Variants in HSD17B6 observed in about 807,000 individuals in gnomAD.
HSD17B6 encodes the protein hydroxysteroid 17-beta dehydrogenase 6, also known as 17-beta-hydroxysteroid dehydrogenase type 6.
Under a neutral mutation model 26.4 loss-of-function variants are expected in HSD17B6, and 16 were observed. That is an observed-to-expected ratio of 0.61 (90% confidence interval 0.41 to 0.92). HSD17B6 has a LOEUF of 0.92. HSD17B6 is among the 40% of genes least tolerant of loss of function. The pLI is 0.00. For synonymous variants in HSD17B6, 139 were observed against 153.0 expected (o/e 0.91, Z 0.68); for missense variants, 357 against 386.1 (o/e 0.92, Z 0.63).
chr12:56,784,135 T>C (rs1481414825), intron 3 of HSD17B6, among the ~76,000 whole-genome samples: 3 of 144,282 alleles, frequency 2.1e-5, no homozygotes, highest in South Asian at 4.4e-4. Flanking sequence ...CGGGAAGAGG[T>C]GCTCCTCACT....
At position 56,784,973 on chromosome 12, in the gene HSD17B6, C is replaced by G; in HGVS notation, c.693C>G (p.Pro231=). The G allele has an allele frequency of 6.2e-7, 1 of 1,614,042 alleles. No individual in the cohort carries two copies. The highest frequency in any genetic ancestry group is 8.5e-7 in the Non-Finnish European group (1 of 1,180,008). Residue 231 remains proline, a synonymous_variant, in exon 4 of 5, where the codon CCC becomes CCG. Coordinates refer to ENST00000322165, the MANE Select transcript of HSD17B6 (RefSeq NM_003725.4). ...ERMKQSWKEA[P]KHIKETYGQQ... Reference sequence around the variant, plus strand: ...TGAAGCAAAGTTGGAAAGAAGCCCCCAAGCATATTAAGGAGACCTATGGAC... The same window carrying G: ...TGAAGCAAAGTTGGAAAGAAGCCCCGAAGCATATTAAGGAGACCTATGGAC...
chr12:56,782,086 C>A lies in HSD17B6; in HGVS notation c.426C>A (p.Ile142=). ...TCAAAGTGAACCTCATTGGTGTGAT[C>A]CAGGTGACCTTGAGCATGCTTCCTT... The part of the protein sequence containing the change: ...NMLKVNLIGV[I]QVTLSMLPLV... The change falls in exon 3 of 5, where the codon ATC becomes ATA. Residue 142 remains isoleucine (I), a synonymous_variant. Coordinates refer to ENST00000322165, the MANE Select transcript of HSD17B6 (RefSeq NM_003725.4). 6.2e-7 allele frequency: 1 copy of A among 1,614,142 alleles called. No individual in the cohort carries two copies. The highest frequency in any genetic ancestry group is 8.5e-7 in the Non-Finnish European group (1 of 1,180,026).
intron 1 of HSD17B6, among the ~76,000 whole-genome samples, chr12:56,771,663 G>T (rs1232701905): frequency 6.6e-6 from 1 of 152,082 alleles, no homozygotes; most frequent in Non-Finnish European, 1.5e-5. Context: ...TCGCCATGTT[G>T]ACCAGGCTGA....
rs376893454 is a variant in HSD17B6 at position 56,781,406 on chromosome 12, T to G, written c.314-568T>G. Among the ~76,000 whole-genome samples the G allele has an allele frequency of 1.2e-3, 189 of 152,374 alleles. 1 individual carries two copies. Among genetic ancestry groups the G allele is most frequent in the African/African-American group, 4.2e-3 (175 of 41,598 alleles). On this transcript the variant is annotated intron_variant, in intron 2 of 4. Transcript: ENST00000322165. Reference sequence around the variant, plus strand: ...TGTCTAACAAATTTTAAAATTTCAATAGTTGTATCTTTTATTTCTGAAGTT... The same window carrying G: ...TGTCTAACAAATTTTAAAATTTCAAGAGTTGTATCTTTTATTTCTGAAGTT...
chr12:56,778,575 C>T (rs1954641200), intron 2 of HSD17B6, among the ~76,000 whole-genome samples: 1 of 152,102 alleles, frequency 6.6e-6, no homozygotes, highest in African/African-American at 2.4e-5. Context: ...CTGCGCCCGG[C>T]CTTTCTTCAC....
At chr12:56,777,428 G>A (rs142895556) in intron 2 of HSD17B6, among the ~76,000 whole-genome samples, 13 of 144,684 alleles carry the variant, frequency 9.0e-5, no homozygotes, top group Non-Finnish European at 1.8e-4. Flanking sequence ...GCAACGGCAT[G>A]ATCTCCGCTC....
intron 2 of HSD17B6, among the ~76,000 whole-genome samples, chr12:56,778,709 C>T (rs1954646036): frequency 7.8e-6 from 1 of 128,788 alleles, no homozygotes; most frequent in Non-Finnish European, 1.6e-5. Flanking sequence ...GAGTCTCACT[C>T]AGTCGCCCAG....
At chr12:56,785,755 A>AC (rs34383378) in intron 4 of HSD17B6, 83,023 of 155,058 alleles carry the variant, frequency 0.54, 24,020 homozygotes, top group African/African-American at 0.77. Context: ...ATCATTGTTT[A>AC]CCTTTTGATA....
chr12:56,771,568 C>T lies in HSD17B6; in HGVS notation c.-19-2266C>T, dbSNP rs187392470. On this transcript the variant is annotated intron_variant, in intron 1 of 4. Coordinates refer to ENST00000322165, the MANE Select transcript of HSD17B6 (RefSeq NM_003725.4). Reference sequence around the variant, plus strand: ...CCACCTCCCGGGTTCAAGCGATTCTCCTGCCTCAGCCTCCCAAGTAGCTGG... The same window carrying T: ...CCACCTCCCGGGTTCAAGCGATTCTTCTGCCTCAGCCTCCCAAGTAGCTGG... 4.7e-3 allele frequency among the ~76,000 whole-genome samples: 709 copies of T among 151,428 alleles called. 6 individuals carry two copies. Among genetic ancestry groups the T allele is most frequent in the Middle Eastern group, 0.027 (8 of 294 alleles).
intron 1 of HSD17B6, among the ~76,000 whole-genome samples, chr12:56,764,970 G>A (rs1438387449): frequency 6.6e-6 from 1 of 151,964 alleles, no homozygotes; most frequent in Non-Finnish European, 1.5e-5. Context: ...GATTCCAGGC[G>A]CCCGCCATCA....
chr12:56,784,678 A>C (rs1437471510), intron 3 of HSD17B6, among the ~76,000 whole-genome samples, 175 bp from the exon 4 acceptor site: 1 of 152,120 alleles, frequency 6.6e-6, no homozygotes, highest in African/African-American at 2.4e-5. Flanking sequence ...AAAGAGAGGG[A>C]GAGGGAGACC....
intron 1 of HSD17B6, among the ~76,000 whole-genome samples, chr12:56,773,579 G>A (rs1047380954): frequency 1.4e-4 from 21 of 152,140 alleles, no homozygotes; most frequent in Non-Finnish European, 2.4e-4. Flanking sequence ...CATTCCTTCT[G>A]TGCTAGGCTA....
At chr12:56,776,051 A>G (rs1387244639) in intron 2 of HSD17B6, among the ~76,000 whole-genome samples, 2 of 152,088 alleles carry the variant, frequency 1.3e-5, no homozygotes, top group Non-Finnish European at 1.5e-5. Context: ...TCAGCCTCCC[A>G]AGTAGCTGGC....
At chr12:56,781,519 G>A (rs1954713115) in intron 2 of HSD17B6, among the ~76,000 whole-genome samples, 1 of 151,990 alleles carries the variant, frequency 6.6e-6, no homozygotes, top group African/African-American at 2.4e-5. Context: ...ATTATATTTA[G>A]CAGGCTGGGC....
intron 2 of HSD17B6, among the ~76,000 whole-genome samples, 191 bp from the exon 3 acceptor site, chr12:56,781,783 T>C (rs1284301886): frequency 6.6e-6 from 1 of 152,128 alleles, no homozygotes; most frequent in Non-Finnish European, 1.5e-5. Flanking sequence ...AGCCTGGCGA[T>C]AGGGCGAGAC....
Position 56,774,213 on chromosome 12 carries a change from G to C in HSD17B6, c.313+48G>C, listed in dbSNP as rs368802067. ...ATTTACTTAGCATGAAGATGCTAAGGTTATATATACAGTTGTTCCTTGGTG... is the reference window on the plus strand; with the variant it reads ...ATTTACTTAGCATGAAGATGCTAAGCTTATATATACAGTTGTTCCTTGGTG... On this transcript the variant is annotated intron_variant, in intron 2 of 4. Coordinates refer to ENST00000322165, the MANE Select transcript of HSD17B6 (RefSeq NM_003725.4). The C allele has an allele frequency of 7.4e-6, 11 of 1,476,520 alleles. 1 individual carries two copies. The South Asian group carries it at 1.1e-4, about 14-fold the overall frequency. 91.5% of individuals were successfully genotyped at this position (1,476,520 alleles called of 1,614,324 possible).
intron 2 of HSD17B6, among the ~76,000 whole-genome samples, chr12:56,779,843 A>T (rs1954675068): frequency 7.7e-6 from 1 of 129,434 alleles, no homozygotes; most frequent in Non-Finnish European, 1.6e-5. Flanking sequence ...TGAATTTTCC[A>T]TCTAAAATTG....
intron 2 of HSD17B6, 51 bp from the exon 3 acceptor site, chr12:56,781,923 G>C: frequency 1.3e-6 from 2 of 1,580,520 alleles, no homozygotes. Context: ...GTTCAAAATA[G>C]AGTATTTTTG....
At chr12:56,763,734 A>G (rs1230315304) in intron 1 of HSD17B6, among the ~76,000 whole-genome samples, 1 of 151,838 alleles carries the variant, frequency 6.6e-6, no homozygotes, top group Non-Finnish European at 1.5e-5. Context: ...AAGCTCTTTA[A>G]TGGTTAATGC....
Sources: gnomAD v4.1 joint callset for allele counts (sites outside exome capture counted in the v4.1 genomes callset) on GRCh38, gnomAD v4.1.1 for gene constraint, MANE v1.5 for transcripts, NCBI Gene and HGNC (gene_info 2026-07-23, HGNC 2026-07-21) for gene names.